TRPM3: variants seen among roughly 807,000 people sequenced by gnomAD.
The protein encoded by TRPM3 is long transient receptor potential channel 3.
Under a neutral mutation model 181.2 loss-of-function variants are expected in TRPM3, and 77 were observed. The observed-to-expected ratio is 0.42, with a 90% CI of 0.35 to 0.51. TRPM3 has a LOEUF of 0.51. Ranked by LOEUF, TRPM3 falls within the 20% of genes least tolerant of loss-of-function variation. The pLI is 0.01. For synonymous variants in TRPM3, 745 were observed against 796.4 expected, an observed-to-expected ratio of 0.94 and a Z score of 1.09; for missense variants, 1,759 against 2,196.7, an observed-to-expected ratio of 0.80 and a Z score of 3.98.
At chr9:71,194,446 A>G (rs1395769440) in intron 1 of TRPM3, among the ~76,000 whole-genome samples, 1 of 151,946 alleles carries the variant, frequency 6.6e-6, no homozygotes, top group Non-Finnish European at 1.5e-5. Context: ...AAAAGAATGC[A>G]TTCCACTTCT....
At chr9:71,200,966 C>T (rs1352765932) in intron 1 of TRPM3, among the ~76,000 whole-genome samples, 10 of 151,962 alleles carry the variant, frequency 6.6e-5, no homozygotes, top group East Asian at 3.9e-4. Context: ...TTCTTCCTAG[C>T]CTCGATGGTC....
At chr9:70,548,567 C>G (rs2045648783) in intron 25 of TRPM3, among the ~76,000 whole-genome samples, 1 of 152,184 alleles carries the variant, frequency 6.6e-6, no homozygotes, top group African/African-American at 2.4e-5. Flanking sequence ...GCCATTCTGA[C>G]TAAAGTCGTC....
chr9:70,617,163 C>T (rs920967044), intron 17 of TRPM3, among the ~76,000 whole-genome samples: 5 of 152,132 alleles, frequency 3.3e-5, no homozygotes, highest in Non-Finnish European at 7.4e-5. Context: ...GGTGCCTGGC[C>T]GGCCTACGAA....
intron 1 of TRPM3, chr9:70,868,904 G>T (rs2095718772): frequency 1.2e-6 from 1 of 802,050 alleles, no homozygotes; most frequent in African/African-American, 1.9e-5. Flanking sequence ...CTCCCTCGGT[G>T]TTGATCTTTG....
At chr9:71,269,541 C>T (rs2083633488) in intron 1 of TRPM3, among the ~76,000 whole-genome samples, 1 of 152,210 alleles carries the variant, frequency 6.6e-6, no homozygotes, top group Non-Finnish European at 1.5e-5. Flanking sequence ...AAGAGCAAGA[C>T]TCATCACTGG....
intron 1 of TRPM3, among the ~76,000 whole-genome samples, chr9:71,376,630 A>C (rs901468819): frequency 5.3e-5 from 8 of 152,016 alleles, no homozygotes; most frequent in Non-Finnish European, 1.5e-5. Context: ...ACTGTTAGCT[A>C]TTTATCGTCA....
chr9:71,404,848 AGCCATTGTCCCT>A (rs1157558525), intron 1 of TRPM3, among the ~76,000 whole-genome samples: 1 of 152,140 alleles, frequency 6.6e-6, no homozygotes, highest in African/African-American at 2.4e-5. Flanking sequence ...GCTTTGCACA[AGCCATTGTCCCT>A]GCCTGTTATA....
chr9:70,754,587 T>C (rs17055736), intron 8 of TRPM3, among the ~76,000 whole-genome samples: 2,221 of 152,280 alleles, frequency 0.015, 55 homozygotes, highest in African/African-American at 0.051. Context: ...ATATTTTTCA[T>C]GAGGCCACAG....
At chr9:71,396,131 C>T (rs2093186070) in intron 1 of TRPM3, among the ~76,000 whole-genome samples, 1 of 152,154 alleles carries the variant, frequency 6.6e-6, no homozygotes, top group Non-Finnish European at 1.5e-5. Flanking sequence ...AAGTGACAAA[C>T]ACGTTTGTAA....
At chr9:71,313,198 T>G (rs1352020434) in intron 1 of TRPM3, among the ~76,000 whole-genome samples, 2 of 152,174 alleles carry the variant, frequency 1.3e-5, no homozygotes, top group East Asian at 3.9e-4. Context: ...CTGTTTAATT[T>G]TGCAGTGAAC....
chr9:71,046,694 G>T (rs775233079), intron 1 of TRPM3, among the ~76,000 whole-genome samples: 1 of 151,932 alleles, frequency 6.6e-6, no homozygotes, highest in Non-Finnish European at 1.5e-5. Context: ...AGGAAGGTAG[G>T]AAAAAAGAAA....
At chr9:71,293,889 G>A (rs1263468707) in intron 1 of TRPM3, among the ~76,000 whole-genome samples, 21 of 151,956 alleles carry the variant, frequency 1.4e-4, no homozygotes, top group Non-Finnish European at 3.1e-4. Flanking sequence ...CATACGTAGA[G>A]ACTCCATATA....
chr9:71,067,436 A>C (rs2062072291), intron 1 of TRPM3, among the ~76,000 whole-genome samples: 1 of 152,222 alleles, frequency 6.6e-6, no homozygotes. Context: ...AGAAGTTAGC[A>C]GGAAAAGACT....
chr9:70,623,574 G>T (rs1449155749), intron 14 of TRPM3, among the ~76,000 whole-genome samples: 1 of 152,106 alleles, frequency 6.6e-6, no homozygotes, highest in Non-Finnish European at 1.5e-5. Flanking sequence ...AAAGCTGCTG[G>T]GTGCCTTGGC....
chr9:70,988,042 T>C (rs2097438552), intron 1 of TRPM3, among the ~76,000 whole-genome samples: 1 of 152,202 alleles, frequency 6.6e-6, no homozygotes, highest in South Asian at 2.1e-4. Flanking sequence ...TATGTTCCTC[T>C]AAATTTTTTG....
chr9:70,892,920 T>C (rs1177803010), intron 1 of TRPM3, among the ~76,000 whole-genome samples: 8 of 152,198 alleles, frequency 5.3e-5, no homozygotes, highest in African/African-American at 1.7e-4. Flanking sequence ...ACTTAATTTC[T>C]ACATGACCGG....
intron 22 of TRPM3, among the ~76,000 whole-genome samples, chr9:70,589,372 C>T (rs549701531): frequency 6.6e-5 from 10 of 152,338 alleles, no homozygotes; most frequent in Admixed American, 4.6e-4. Flanking sequence ...CTACACCTCC[C>T]TCCTTCTCCC....
chr9:71,251,388 C>A (rs2082333650), intron 1 of TRPM3, among the ~76,000 whole-genome samples: 3 of 152,126 alleles, frequency 2.0e-5, no homozygotes, highest in Admixed American at 2.0e-4. Flanking sequence ...CTCTACAAGA[C>A]TAAATGCTTA....
At chr9:71,110,291 C>T (rs2070777603) in intron 1 of TRPM3, among the ~76,000 whole-genome samples, 1 of 152,160 alleles carries the variant, frequency 6.6e-6, no homozygotes, top group South Asian at 2.1e-4. Context: ...CCACCTGCCT[C>T]TCTTGTGTAC....
Sources: gnomAD v4.1 joint callset for allele counts (sites outside exome capture counted in the v4.1 genomes callset) on GRCh38, gnomAD v4.1.1 for gene constraint, MANE v1.5 for transcripts, NCBI Gene and HGNC (gene_info 2026-07-23, HGNC 2026-07-21) for gene names.